Variants in COL4A5 observed in about 807,000 individuals in gnomAD.
The protein encoded by COL4A5 is collagen alpha-5(IV) chain.
A neutral mutation model predicts 130.2 loss-of-function variants in COL4A5; 26 were observed. The observed-to-expected ratio is 0.20, with a 90% confidence interval of 0.15 to 0.28. The LOEUF is 0.28. Among genes scored for constraint, COL4A5 ranks in the 10% least tolerant of loss-of-function variants. The probability of loss-of-function intolerance (pLI) is 1.00; values close to 1 mark genes in which losing one functional copy is unlikely to be tolerated. For missense variants in COL4A5, 1,131 were observed against 1,344.3 expected, an observed-to-expected ratio of 0.84 and a Z score of 2.48; for synonymous variants, 496 against 439.6, an observed-to-expected ratio of 1.13 and a Z score of -1.60.
chrX:108,635,670 T>C (rs1569501035), intron 36 of COL4A5, among the ~76,000 whole-genome samples: 2 of 111,971 alleles, frequency 1.8e-5, no homozygotes, highest in Admixed American at 1.9e-4. Flanking sequence ...CAAAACTTAC[T>C]ACAACTATGA....
intron 1 of COL4A5, chrX:108,440,466 A>G: frequency 2.6e-6 from 1 of 379,553 alleles, no homozygotes; most frequent in Middle Eastern, 7.6e-4. Context: ...GAGCAAAGTC[A>G]GAAGTGGGGG....
chrX:108,455,593 T>A (rs2064576586), intron 1 of COL4A5, among the ~76,000 whole-genome samples: 1 of 112,515 alleles, frequency 8.9e-6, no homozygotes, highest in African/African-American at 3.2e-5. Context: ...TTTCAATGTC[T>A]TTTGTGTCTT....
chrX:108,542,678 G>A (rs2065565922), intron 2 of COL4A5, among the ~76,000 whole-genome samples: 2 of 104,478 alleles, frequency 1.9e-5, no homozygotes, highest in East Asian at 3.0e-4. Flanking sequence ...TTGAGGAATC[G>A]CCACACAGTC....
At chrX:108,679,394 C>T (rs1390587896) in intron 44 of COL4A5, among the ~76,000 whole-genome samples, 1 of 110,758 alleles carries the variant, frequency 9.0e-6, no homozygotes, top group Admixed American at 9.7e-5. Flanking sequence ...AGAGCCCTCC[C>T]TTCTCTCTGG....
intron 1 of COL4A5, among the ~76,000 whole-genome samples, chrX:108,468,470 G>A (rs1181095459): frequency 3.9e-4 from 42 of 108,925 alleles, no homozygotes; most frequent in Non-Finnish European, 3.0e-4. Flanking sequence ...TCACCTTTGA[G>A]CATTCAGTTA....
At chrX:108,600,471 A>T (rs1351624801) in intron 25 of COL4A5, among the ~76,000 whole-genome samples, 1 of 111,698 alleles carries the variant, frequency 9.0e-6, no homozygotes, top group Non-Finnish European at 1.9e-5. Context: ...AACTTTGCAC[A>T]TGTAAAACCT....
At chrX:108,558,217 G>A (rs2065854165) in intron 2 of COL4A5, among the ~76,000 whole-genome samples, 1 of 109,009 alleles carries the variant, frequency 9.2e-6, no homozygotes, top group Non-Finnish European at 1.9e-5. Flanking sequence ...GAGCCTTCGG[G>A]GTTCTTAAAC....
intron 1 of COL4A5, among the ~76,000 whole-genome samples, chrX:108,508,624 A>G (rs1399652715): frequency 9.1e-6 from 1 of 109,806 alleles, no homozygotes; most frequent in African/African-American, 3.3e-5. Flanking sequence ...CTAAGCAAAA[A>G]GAACAAAGCT....
intron 8 of COL4A5, among the ~76,000 whole-genome samples, chrX:108,573,215 A>G (rs764798373): frequency 8.2e-5 from 9 of 109,967 alleles, no homozygotes; most frequent in Non-Finnish European, 1.5e-4. Flanking sequence ...TTTACATATT[A>G]GGGTCTGTAT....
chrX:108,578,929 C>T (rs1359221074), intron 13 of COL4A5, among the ~76,000 whole-genome samples: 1 of 111,176 alleles, frequency 9.0e-6, no homozygotes, highest in Non-Finnish European at 1.9e-5. Flanking sequence ...CTGCCCGCCT[C>T]GGCCTCCCAA....
chrX:108,591,810 A>C (rs375286829), intron 21 of COL4A5, among the ~76,000 whole-genome samples, 166 bp downstream of exon 21: 1 of 111,333 alleles, frequency 9.0e-6, no homozygotes, highest in African/African-American at 3.3e-5. Context: ...GGTTTCATGC[A>C]TCCCATTTTT....
At chrX:108,490,455 C>T (rs1458200964) in intron 1 of COL4A5, among the ~76,000 whole-genome samples, 1 of 111,490 alleles carries the variant, frequency 9.0e-6, no homozygotes, top group Admixed American at 9.6e-5. Context: ...ACCCCCTGAC[C>T]CCTATCATCC....
chrX:108,486,051 G>T (rs2071322297), intron 1 of COL4A5, among the ~76,000 whole-genome samples: 2 of 111,877 alleles, frequency 1.8e-5, no homozygotes, highest in African/African-American at 6.5e-5. Flanking sequence ...GCGGGTGTCA[G>T]CTGTGTTCAG....
chrX:108,625,556 T>A (rs2067138038), intron 34 of COL4A5, 149 bp from the exon 35 acceptor site: 1 of 461,349 alleles, frequency 2.2e-6, no homozygotes, highest in Admixed American at 3.2e-5. Flanking sequence ...AGATGTTTTA[T>A]GTTGGGTTCT....
chrX:108,646,277 T>C (rs1350513771), intron 36 of COL4A5, among the ~76,000 whole-genome samples: 1 of 111,897 alleles, frequency 8.9e-6, no homozygotes, highest in East Asian at 2.8e-4. Context: ...CCATTCTAAC[T>C]GGTGTGAGAT....
At chrX:108,694,761 C>T in intron 50 of COL4A5, 46 bp from the exon 51 acceptor site, 1 of 1,019,561 alleles carries the variant, frequency 9.8e-7, no homozygotes. Context: ...CTACTTCTCA[C>T]ATGCTCACTC....
At chrX:108,659,514 G>A (rs186649574) in intron 37 of COL4A5, among the ~76,000 whole-genome samples, 16 of 110,576 alleles carry the variant, frequency 1.4e-4, no homozygotes, top group African/African-American at 5.2e-4. Flanking sequence ...TATGATTGTA[G>A]AGTTTTCTAT....
intron 6 of COL4A5, among the ~76,000 whole-genome samples, chrX:108,569,358 C>A (rs1203844423): frequency 2.7e-5 from 3 of 111,922 alleles, no homozygotes; most frequent in Non-Finnish European, 5.6e-5. Flanking sequence ...ATACATTTAA[C>A]AATTTTAAAT....
At chrX:108,563,203 T>G (rs1439171327) in intron 3 of COL4A5, among the ~76,000 whole-genome samples, 1 of 111,556 alleles carries the variant, frequency 9.0e-6, no homozygotes, top group Non-Finnish European at 1.9e-5. Context: ...GGAGCAGAAT[T>G]AGGTTTTTTA....
Sources: allele counts gnomAD v4.1 joint callset (sites outside exome capture counted in the v4.1 genomes callset), GRCh38; gene constraint gnomAD v4.1.1; transcripts MANE v1.5; gene names NCBI Gene and HGNC (gene_info 2026-07-23, HGNC 2026-07-21).